The following GLI3 variants were observed in gnomAD, a reference collection of about 807,000 sequenced individuals.
The protein encoded by GLI3 is GLI family zinc finger 3.
In GLI3, 20 loss-of-function variants were observed where a neutral mutation model predicts 100.8. The observed-to-expected ratio is 0.20, with a 90% CI of 0.14 to 0.29. The LOEUF (loss-of-function observed/expected upper bound fraction) is 0.29, where lower values mean the gene tolerates loss of function less well. Among genes scored for constraint, GLI3 ranks in the 10% least tolerant of loss-of-function variants. The pLI, the probability that GLI3 is intolerant of heterozygous loss-of-function variation, is 1.00. For missense variants in GLI3, 2,040 were observed against 2,128.5 expected (o/e 0.96, Z 0.82); for synonymous variants, 938 against 860.5 (o/e 1.09, Z -1.58).
chr7:42,221,343 T>C (rs572952870), intron 2 of GLI3, among the ~76,000 whole-genome samples: 27 of 152,286 alleles, frequency 1.8e-4, no homozygotes, highest in Non-Finnish European at 3.5e-4. Context: ...GCAGCTGAGA[T>C]TGACAAACAG....
upstream of GLI3, among the ~76,000 whole-genome samples, chr7:42,242,609 G>A (rs55896254): frequency 0.02 from 2,979 of 152,202 alleles, 115 homozygotes; most frequent in African/African-American, 0.068. Context: ...CTTAGGCAGA[G>A]CAATTCATAT....
chr7:42,025,772 G>A (rs757083076), intron 8 of GLI3, among the ~76,000 whole-genome samples: 1 of 152,170 alleles, frequency 6.6e-6, no homozygotes, highest in Non-Finnish European at 1.5e-5. Context: ...CAATATCAAA[G>A]TGGCAACAGT....
chr7:42,101,062 G>A (rs568202521), intron 3 of GLI3, among the ~76,000 whole-genome samples: 2 of 152,236 alleles, frequency 1.3e-5, no homozygotes, highest in South Asian at 2.1e-4. Flanking sequence ...TGGGAAGGCC[G>A]CCCTATACCA....
chr7:42,236,221 T>G (rs1014728603), intron 1 of GLI3, among the ~76,000 whole-genome samples: 2 of 152,136 alleles, frequency 1.3e-5, no homozygotes, highest in Non-Finnish European at 2.9e-5. Context: ...TCCCGCCCGT[T>G]TTCCCGCTGC....
chr7:42,120,452 A>G (rs1362209803), intron 3 of GLI3, among the ~76,000 whole-genome samples: 2 of 152,212 alleles, frequency 1.3e-5, no homozygotes, highest in African/African-American at 4.8e-5. Context: ...CCCAGCTGGG[A>G]AGGTTTAGGC....
At chr7:42,000,854 T>TAAGTCAC (rs1788267383) in intron 10 of GLI3, among the ~76,000 whole-genome samples, 1 of 151,968 alleles carries the variant, frequency 6.6e-6, no homozygotes, top group Non-Finnish European at 1.5e-5. Flanking sequence ...TGAGATAAAT[T>TAAGTCAC]AAGTCACAAC....
intron 12 of GLI3, among the ~76,000 whole-genome samples, chr7:41,974,428 G>T (rs1787452623): frequency 6.6e-6 from 1 of 152,184 alleles, no homozygotes; most frequent in Non-Finnish European, 1.5e-5. Flanking sequence ...CACAAATTTT[G>T]TTGTGATCAG....
chr7:42,019,217 C>T (rs968281687), intron 10 of GLI3, among the ~76,000 whole-genome samples: 4 of 152,130 alleles, frequency 2.6e-5, no homozygotes, highest in Non-Finnish European at 5.9e-5. Context: ...AATGACTCCA[C>T]ACTGAGATGG....
At chr7:42,127,385 A>C (rs545596448) in intron 3 of GLI3, among the ~76,000 whole-genome samples, 117 of 152,312 alleles carry the variant, frequency 7.7e-4, no homozygotes, top group African/African-American at 2.5e-3. Context: ...GGTGGGCAGC[A>C]TGTATTTGAA....
chr7:42,055,137 T>A (rs1196300862), intron 4 of GLI3, among the ~76,000 whole-genome samples: 2 of 144,256 alleles, frequency 1.4e-5, no homozygotes, highest in African/African-American at 5.3e-5. Context: ...ACATATATGT[T>A]TTTCTTCCTT....
intron 3 of GLI3, among the ~76,000 whole-genome samples, chr7:42,104,780 C>CT: frequency 6.6e-6 from 1 of 152,034 alleles, no homozygotes; most frequent in South Asian, 2.1e-4. Context: ...GAATGGGGTT[C>CT]CTTTTAAAGA....
chr7:42,094,342 C>A (rs530533020), intron 3 of GLI3, among the ~76,000 whole-genome samples: 1 of 152,204 alleles, frequency 6.6e-6, no homozygotes. Flanking sequence ...GTGGCTCACA[C>A]CTGTAATCCC....
rs1784888500 is a variant in GLI3, at chr7:42,076,870, G to C, written c.368-13C>G. On this transcript the variant is annotated splice_polypyrimidine_tract_variant and intron_variant, in intron 3 of 14. Coordinates refer to ENST00000395925, the MANE Select transcript of GLI3 (RefSeq NM_000168.6). ...AGATGAGGAGGGTCTGAAAAGAAGA[G>C]AGAGCCCAATCTATATCAAATGAAC... The C allele has an allele frequency of 6.7e-7, 1 of 1,492,272 alleles. No homozygotes were observed. Among genetic ancestry groups the C allele is most frequent in the African/African-American group, 1.4e-5 (1 of 72,568 alleles). 92.4% of individuals were successfully genotyped at this position (1,492,272 alleles called of 1,614,324 possible). A position where few individuals can be genotyped will look rare whatever the true frequency, so the allele number is the denominator to read the frequency against.
intron 4 of GLI3, among the ~76,000 whole-genome samples, chr7:42,054,252 T>C (rs1450713383): frequency 6.6e-6 from 1 of 152,254 alleles, no homozygotes; most frequent in Admixed American, 6.5e-5. Flanking sequence ...AGAGAATAAC[T>C]GGACTTCTGA....
intron 7 of GLI3, among the ~76,000 whole-genome samples, chr7:42,026,649 C>T (rs575858702): frequency 3.9e-5 from 6 of 152,202 alleles, no homozygotes; most frequent in Non-Finnish European, 5.9e-5. Context: ...TCTGCAAAAA[C>T]GGAAATAAAA....
Position 41,972,705 on chromosome 7 carries a change from G to A in GLI3, c.1813-78C>T, listed in dbSNP as rs1787398305. ...CCCAGCCCAAAAGTCCTTTATGGTTGCTCATTACATTTTTAATCCTTTCAA... is the reference window on the plus strand; with the variant it reads ...CCCAGCCCAAAAGTCCTTTATGGTTACTCATTACATTTTTAATCCTTTCAA... On this transcript the variant is annotated intron_variant, in intron 12 of 14. Transcript: ENST00000395925. This position sits in a 1 kb window ranked among gnomAD's most constrained non-coding sequence, Gnocchi z 4.4. The A allele has an allele frequency of 3.4e-6, 4 of 1,190,630 alleles. No homozygotes were observed. Among genetic ancestry groups the A allele is most frequent in the Admixed American group, 1.9e-5 (1 of 53,898 alleles). The allele number at this position is 1,190,630 out of a possible 1,614,324, so 73.8% of individuals were successfully genotyped here. A position where few individuals can be genotyped will look rare whatever the true frequency, so the allele number is the denominator to read the frequency against.
intron 2 of GLI3, among the ~76,000 whole-genome samples, chr7:42,197,941 G>T (rs966146102): frequency 2.0e-5 from 3 of 152,194 alleles, no homozygotes; most frequent in African/African-American, 7.2e-5. Context: ...AGAGAATCAT[G>T]ATTCGGGTAC....
intron 4 of GLI3, among the ~76,000 whole-genome samples, chr7:42,065,883 G>A (rs543924465): frequency 6.6e-5 from 10 of 152,194 alleles, no homozygotes; most frequent in Non-Finnish European, 1.0e-4. Context: ...GTAATGATTC[G>A]AGTAGCCATG....
intron 10 of GLI3, among the ~76,000 whole-genome samples, chr7:42,018,104 AC>A (rs1436404904): frequency 1.3e-5 from 2 of 152,062 alleles, no homozygotes; most frequent in Non-Finnish European, 2.9e-5. Flanking sequence ...GCCCTCACAC[AC>A]CCTCGCAATC....
Sources: allele counts gnomAD v4.1 joint callset (sites outside exome capture counted in the v4.1 genomes callset), GRCh38; gene constraint gnomAD v4.1.1; non-coding constraint Gnocchi (gnomAD v3.1); transcripts MANE v1.5; gene names NCBI Gene and HGNC (gene_info 2026-07-23, HGNC 2026-07-21).